ADAMTSL1: variants seen among roughly 807,000 people sequenced by gnomAD.
The protein encoded by ADAMTSL1 is ADAMTS like 1, also known as ADAMTS-like protein 1.
ADAMTSL1 carries 126 observed loss-of-function variants against 201.8 expected under a neutral mutation model. The ratio of observed to expected loss-of-function variants is 0.62; its 90% CI spans 0.54 to 0.72. The LOEUF is 0.72. Ranked by LOEUF, ADAMTSL1 falls within the 30% of genes least tolerant of loss-of-function variation. ADAMTSL1 has a pLI of 0.00. For missense variants in ADAMTSL1, 2,679 were observed against 2,277.8 expected, an observed-to-expected ratio of 1.18 and a Z score of -3.59; for synonymous variants, 1,121 against 903.4, an observed-to-expected ratio of 1.24 and a Z score of -4.32.
chr9:17,968,324 A>G (rs1254506931), intron 1 of ADAMTSL1, among the ~76,000 whole-genome samples: 1 of 152,110 alleles, frequency 6.6e-6, no homozygotes, highest in East Asian at 1.9e-4. Context: ...CCTAAGTGTT[A>G]CAATTTCTAA....
intron 2 of ADAMTSL1, among the ~76,000 whole-genome samples, chr9:18,365,005 T>A (rs1474975733): frequency 6.6e-6 from 1 of 152,030 alleles, no homozygotes; most frequent in Non-Finnish European, 1.5e-5. Flanking sequence ...GACATGAGAT[T>A]GAGTGGGGAC....
intron 15 of ADAMTSL1, among the ~76,000 whole-genome samples, chr9:18,753,000 C>A (rs530488696): frequency 1.3e-5 from 2 of 152,328 alleles, no homozygotes; most frequent in East Asian, 3.9e-4. Flanking sequence ...GCACTTCCCT[C>A]TTATTTTGAT....
At position 17,991,333 on chromosome 9, in the gene ADAMTSL1, A is replaced by G. The variant is rs10963385; in HGVS notation, c.87+84411A>G. Reference sequence around the variant, plus strand: ...CATCTATTTAAACATGTGGAAAAAGAACATTTTTATCAAAGCAGAGATAAA... The same window carrying G: ...CATCTATTTAAACATGTGGAAAAAGGACATTTTTATCAAAGCAGAGATAAA... On this transcript the variant is annotated intron_variant, in intron 1 of 29. Transcript: ENST00000680146. Among the ~76,000 whole-genome samples, 593 of 152,266 alleles carry G rather than the reference A, an allele frequency of 3.9e-3. 3 individuals are homozygous for G. The highest frequency in any genetic ancestry group is 6.8e-3 in the Middle Eastern group (2 of 294).
intron 1 of ADAMTSL1, among the ~76,000 whole-genome samples, chr9:18,129,052 C>T (rs1290842324): frequency 1.3e-5 from 2 of 152,064 alleles, no homozygotes; most frequent in African/African-American, 4.8e-5. Flanking sequence ...CAGAAATTTC[C>T]CATTTTAATA....
chr9:18,718,466 A>G, intron 14 of ADAMTSL1: 1 of 596,880 alleles, frequency 1.7e-6, no homozygotes, highest in Non-Finnish European at 3.3e-6. Flanking sequence ...AACAAATTGT[A>G]CATTCAAAGC....
Position 18,185,678 on chromosome 9 carries a change from A to T in ADAMTSL1, c.207+21697A>T, listed in dbSNP as rs78288029. Among the ~76,000 whole-genome samples the T allele has an allele frequency of 1.6e-3, 244 of 152,300 alleles. 2 individuals are homozygous for T. Among genetic ancestry groups the T allele is most frequent in the African/African-American group, 5.6e-3 (233 of 41,572 alleles). On this transcript the variant is annotated intron_variant, in intron 2 of 29. Transcript: ENST00000680146. The stretch of plus-strand genomic sequence containing the variant: ...AAATTATCGAGAAATTATTAAAAAA[A>T]CACTAGCTGTCTAAATCAATTTGGT...
intron 14 of ADAMTSL1, among the ~76,000 whole-genome samples, chr9:18,713,508 T>G (rs1385227409): frequency 1.3e-5 from 2 of 152,164 alleles, no homozygotes; most frequent in East Asian, 3.9e-4. Context: ...AAGAAGGCCA[T>G]TACATAATAG....
At position 17,949,520 on chromosome 9, in the gene ADAMTSL1, C is replaced by A. The variant is rs573968585; in HGVS notation, c.87+42598C>A. On this transcript the variant is annotated intron_variant, in intron 1 of 29. Coordinates refer to the ADAMTSL1 transcript ENST00000680146. Reference sequence around the variant, plus strand: ...GAGGGCTGGCTGATTGGAGTTTTTGCTTTTCCCTTTTATTAATCAAATTAT... The same window carrying A: ...GAGGGCTGGCTGATTGGAGTTTTTGATTTTCCCTTTTATTAATCAAATTAT... Among the ~76,000 whole-genome samples the A allele has an allele frequency of 4.3e-4, 66 of 152,284 alleles. 1 individual carries two copies. In the South Asian group the frequency reaches 0.011, roughly 25 times the overall value.
At chr9:18,092,073 C>G (rs567175304) in intron 1 of ADAMTSL1, among the ~76,000 whole-genome samples, 1 of 152,228 alleles carries the variant, frequency 6.6e-6, no homozygotes, top group East Asian at 1.9e-4. Context: ...ACTACATCCC[C>G]AAGCAGCTTG....
intron 2 of ADAMTSL1, among the ~76,000 whole-genome samples, chr9:18,509,775 C>T (rs1188182359): frequency 1.3e-5 from 2 of 152,136 alleles, no homozygotes; most frequent in Non-Finnish European, 2.9e-5. Flanking sequence ...AATGGGAGAG[C>T]CAAATTGTTA....
rs141660232 is a variant in ADAMTSL1, at chr9:18,735,743, T to TTTTTTC, written c.2006+14082_2006+14083insTCTTTT. ...TCTTTGAGAAGTCAGACGGCATTCT[T>TTTTTTC]TTTTCTTTTTTTTTTTTTTTTTTTT... On this transcript the variant is annotated intron_variant, in intron 15 of 28. Coordinates refer to ENST00000380548, the MANE Select transcript of ADAMTSL1 (RefSeq NM_001040272.6). 2.6e-4 allele frequency among the ~76,000 whole-genome samples: 34 copies of TTTTTTC among 128,710 alleles called. 2 individuals are homozygous for TTTTTTC. The highest frequency in any genetic ancestry group is 2.7e-4 in the Non-Finnish European group (17 of 62,674). 84.4% of individuals were successfully genotyped at this position (128,710 alleles called of 152,430 possible). A position where few individuals can be genotyped will look rare whatever the true frequency, so the allele number is the denominator to read the frequency against.
chr9:18,184,498 G>A (rs149927594), intron 2 of ADAMTSL1, among the ~76,000 whole-genome samples: 2,373 of 152,278 alleles, frequency 0.016, 18 homozygotes, highest in Middle Eastern at 0.034. Context: ...AAGAGGATAG[G>A]ATTTTTGCTT....
At chr9:18,330,463 A>C (rs527325374) in intron 2 of ADAMTSL1, among the ~76,000 whole-genome samples, 10 of 152,228 alleles carry the variant, frequency 6.6e-5, no homozygotes, top group South Asian at 2.1e-4. Context: ...AAAAAAAAAA[A>C]ACTAAAATCT....
chr9:18,238,197 A>G (rs1360334820), intron 2 of ADAMTSL1, among the ~76,000 whole-genome samples: 1 of 152,136 alleles, frequency 6.6e-6, no homozygotes, highest in Non-Finnish European at 1.5e-5. Flanking sequence ...GAGTTTTAGG[A>G]CTATGTGGAA....
intron 2 of ADAMTSL1, among the ~76,000 whole-genome samples, chr9:18,343,157 C>T (rs895418484): frequency 6.6e-6 from 1 of 151,888 alleles, no homozygotes; most frequent in African/African-American, 2.4e-5. Flanking sequence ...GAGATCTTGT[C>T]TCTATAGGAA....
intron 1 of ADAMTSL1, among the ~76,000 whole-genome samples, chr9:18,074,012 C>G (rs1586987727): frequency 6.6e-6 from 1 of 151,894 alleles, no homozygotes; most frequent in Non-Finnish European, 1.5e-5. Context: ...GGAGGCAGTG[C>G]AGGAGGAAGT....
intron 2 of ADAMTSL1, among the ~76,000 whole-genome samples, chr9:18,263,313 A>G (rs1291078775): frequency 6.6e-6 from 1 of 152,184 alleles, no homozygotes; most frequent in Non-Finnish European, 1.5e-5. Context: ...AACTCCAGTC[A>G]TCGTCTCCTA....
intron 2 of ADAMTSL1, among the ~76,000 whole-genome samples, chr9:18,302,951 A>C (rs1215126060): frequency 6.6e-6 from 1 of 152,200 alleles, no homozygotes; most frequent in Non-Finnish European, 1.5e-5. Context: ...ACATGAAGGT[A>C]TCTGAAAAGC....
chr9:18,661,368 G>T (rs544090829), intron 8 of ADAMTSL1, among the ~76,000 whole-genome samples: 186 of 152,272 alleles, frequency 1.2e-3, no homozygotes, highest in African/African-American at 3.3e-3. Context: ...GATGTCTACT[G>T]TTGGAATCTC....
Sources: allele counts gnomAD v4.1 joint callset (sites outside exome capture counted in the v4.1 genomes callset), GRCh38; gene constraint gnomAD v4.1.1; transcripts MANE v1.5; gene names NCBI Gene and HGNC (gene_info 2026-07-23, HGNC 2026-07-21).